The following PPFIA3 variants were observed in gnomAD, a reference collection of about 807,000 sequenced individuals.
PPFIA3 encodes liprin-alpha-3.
In PPFIA3, 26 loss-of-function variants were observed where a neutral mutation model predicts 145.8. The ratio of observed to expected loss-of-function variants is 0.18; its 90% CI spans 0.13 to 0.25. The LOEUF (loss-of-function observed/expected upper bound fraction) is 0.25, where lower values mean the gene tolerates loss of function less well. Ranked by LOEUF, PPFIA3 falls within the 10% of genes least tolerant of loss-of-function variation. The probability of loss-of-function intolerance (pLI) is 1.00; values close to 1 mark genes in which losing one functional copy is unlikely to be tolerated. For synonymous variants in PPFIA3, 645 were observed against 661.4 expected (o/e 0.98, Z 0.38); for missense variants, 1,008 against 1,587.8 (o/e 0.63, Z 6.21).
At position 49,150,345 on chromosome 19, in the gene PPFIA3, G is replaced by A. The variant is rs944259743; in HGVS notation, c.*123G>A. On this transcript the variant is annotated 3_prime_UTR_variant, in exon 30 of 30. Transcript: ENST00000334186. ...GCGGGGGAGCTCGCGCCGAGGACTG[G>A]ACCATCTGTACAGACCAGCGGGAGT... 1 of 608,994 alleles carries A rather than the reference G, an allele frequency of 1.6e-6. No individual in the cohort carries two copies. Among genetic ancestry groups the A allele is most frequent in the Non-Finnish European group, 2.9e-6 (1 of 350,018 alleles). 37.7% of individuals were successfully genotyped at this position (608,994 alleles called of 1,614,324 possible). A position where few individuals can be genotyped will look rare whatever the true frequency, so the allele number is the denominator to read the frequency against.
rs11391183 is a variant in PPFIA3 at position 49,145,584 on chromosome 19, AC to A, written c.2746-351del. ...GGGAGCAGAAGCTCAATAAATGTGA[AC>A]CCCCCCCGCCATACTCCCTAAACAT... On this transcript the variant is annotated intron_variant, in intron 21 of 29. Coordinates refer to ENST00000334186, the MANE Select transcript of PPFIA3 (RefSeq NM_003660.4). The A allele has an allele frequency of 8.8e-4, 242 of 273,766 alleles. 1 individual carries two copies. Among genetic ancestry groups the A allele is most frequent in the African/African-American group, 2.5e-3 (106 of 42,492 alleles). 17.0% of individuals were successfully genotyped at this position (273,766 alleles called of 1,614,324 possible).
At position 49,130,038 on chromosome 19, in the gene PPFIA3, G is replaced by A; in HGVS notation, c.628G>A (p.Glu210Lys). The change falls in exon 6 of 30, where the codon GAA (glutamate) becomes AAA (lysine). Residue 210 changes from glutamate to lysine, a missense_variant. Glu to Lys is a moderately conservative substitution (Grantham distance 56, BLOSUM62 1). Around this residue, in one of 11 missense-constraint regions of PPFIA3, gnomAD observed 136 missense variants for 160.7 expected, o/e 0.85. Coordinates refer to ENST00000334186, the MANE Select transcript of PPFIA3 (RefSeq NM_003660.4). This position sits in a 1 kb window ranked among gnomAD's most constrained non-coding sequence, Gnocchi z 4.5. ...EQLSRRRSGLEEPGKDGDGQT... is the reference protein window; with the variant it reads ...EQLSRRRSGLKEPGKDGDGQT... ...GCTGTCTAGGCGGCGGTCAGGGCTG[G>A]AAGAGCCGGGCAAGGATGGGGATGG... The A allele has an allele frequency of 6.2e-7, 1 of 1,613,248 alleles. No homozygotes were observed. Among genetic ancestry groups the A allele is most frequent in the Non-Finnish European group, 8.5e-7 (1 of 1,179,744 alleles).
rs1193455508 is a variant in PPFIA3, at chr19:49,149,087, C to T, written c.3204C>T (p.His1068=). The T allele has an allele frequency of 1.2e-5, 20 of 1,614,018 alleles. No individual in the cohort carries two copies. The highest frequency in any genetic ancestry group is 1.5e-5 in the Non-Finnish European group (18 of 1,180,036). ...CGAACCTCACGGAGAGCGGGGTACA[C>T]GGGGCACTGCTCGCCCTGGACGAGA... ...FATNLTESGV[H]GALLALDETF... The change falls in exon 26 of 30, where the codon CAC becomes CAT. Residue 1068 remains histidine (H), a synonymous_variant. Transcript: ENST00000334186. The surrounding 1 kb of genome is among the most constrained non-coding windows in gnomAD (Gnocchi z 5.7).
At chr19:49,134,414 T>G (rs1178856854) in intron 11 of PPFIA3, among the ~76,000 whole-genome samples, 1 of 152,144 alleles carries the variant, frequency 6.6e-6, no homozygotes, top group Non-Finnish European at 1.5e-5. Flanking sequence ...TCCAACCCCA[T>G]GGGTCTCCAA....
chr19:49,141,561 A>C (rs1414474677), intron 19 of PPFIA3, 48 bp downstream of exon 19: 2 of 1,491,636 alleles, frequency 1.3e-6, no homozygotes, highest in South Asian at 1.2e-5. Flanking sequence ...TGAATGTGAG[A>C]GTGTGTGAGG....
chr19:49,122,080 T>A (rs980667403), intron 1 of PPFIA3, among the ~76,000 whole-genome samples: 1 of 113,434 alleles, frequency 8.8e-6, no homozygotes, highest in African/African-American at 3.1e-5. Context: ...AGATGCCAAT[T>A]TTTTTTTTTT....
intron 16 of PPFIA3, 108 bp downstream of exon 16, chr19:49,138,535 A>G: frequency 1.3e-5 from 12 of 928,526 alleles, no homozygotes; most frequent in Non-Finnish European, 1.8e-5. Context: ...GGTTTTCCAA[A>G]GCAACCTCAG....
rs1301925441 is a variant in PPFIA3, at chr19:49,149,862, C to T, written c.3526+144C>T. 3 of 1,188,916 alleles carry T rather than the reference C, an allele frequency of 2.5e-6. No individual in the cohort carries two copies. The African/African-American group carries it at 4.6e-5, about 18-fold the overall frequency. 73.6% of individuals were successfully genotyped at this position (1,188,916 alleles called of 1,614,324 possible). A position where few individuals can be genotyped will look rare whatever the true frequency, so the allele number is the denominator to read the frequency against. On this transcript the variant is annotated intron_variant, in intron 28 of 29. Coordinates refer to ENST00000334186, the MANE Select transcript of PPFIA3 (RefSeq NM_003660.4). The surrounding 1 kb of genome is among the most constrained non-coding windows in gnomAD (Gnocchi z 5.7). Reference sequence around the variant, plus strand: ...ACTGCTCCAACGTTCCGGACTCCCCCGTCAGGATGAAATGGATAAATCCCA... The same window carrying T: ...ACTGCTCCAACGTTCCGGACTCCCCTGTCAGGATGAAATGGATAAATCCCA...
Position 49,150,332 on chromosome 19 carries a change from G to T in PPFIA3, c.*110G>T, listed in dbSNP as rs1051273073. 21 of 641,540 alleles carry T rather than the reference G, an allele frequency of 3.3e-5. No homozygotes were observed. Among genetic ancestry groups the T allele is most frequent in the Non-Finnish European group, 5.3e-5 (20 of 378,844 alleles). The allele number at this position is 641,540 out of a possible 1,614,324, so 39.7% of individuals were successfully genotyped here. On this transcript the variant is annotated 3_prime_UTR_variant, in exon 30 of 30. Coordinates refer to ENST00000334186, the MANE Select transcript of PPFIA3 (RefSeq NM_003660.4). ...CCGGGGAGAGCGGGCGGGGGAGCTCGCGCCGAGGACTGGACCATCTGTACA... is the reference window on the plus strand; with the variant it reads ...CCGGGGAGAGCGGGCGGGGGAGCTCTCGCCGAGGACTGGACCATCTGTACA...
intron 14 of PPFIA3, among the ~76,000 whole-genome samples, chr19:49,136,449 C>T (rs947472939): frequency 2.6e-5 from 4 of 152,086 alleles, no homozygotes; most frequent in Admixed American, 6.6e-5. Flanking sequence ...ATTAGCCGGG[C>T]GTGGTAGCGG....
chr19:49,150,099 C>A lies in PPFIA3; in HGVS notation c.3546C>A (p.Ser1182=). 6.2e-7 allele frequency: 1 copy of A among 1,610,628 alleles called. No homozygotes were observed. The highest frequency in any genetic ancestry group is 2.2e-5 in the East Asian group (1 of 44,790). ...CTCCAGGCCAGACTTCTGGGAGTTC[C>A]CGGGCAGACGGCGTTTCGGTCCGGA... is the stretch of plus-strand genomic sequence containing the variant. ...LQPEGQTSGS[S]RADGVSVRTY... is the part of the protein sequence containing the mutation. The change falls in exon 29 of 30, where the codon TCC becomes TCA. Residue 1182 remains serine (S), a synonymous_variant. Coordinates refer to ENST00000334186, the MANE Select transcript of PPFIA3 (RefSeq NM_003660.4).
In PPFIA3 at chr19:49,133,228, C is replaced by T. The variant is rs778504908; in HGVS notation, c.1027-9C>T. On this transcript the variant is annotated splice_polypyrimidine_tract_variant and intron_variant, in intron 8 of 29. Coordinates refer to ENST00000334186, the MANE Select transcript of PPFIA3 (RefSeq NM_003660.4). This position sits in a 1 kb window ranked among gnomAD's most constrained non-coding sequence, Gnocchi z 7.2. ...GCCCGTCCCCTCCCCCTGCCTCTCC[C>T]TCCCCCAGAGTGAAGAGAAGAGCCG... 1 of 1,598,108 alleles carries T rather than the reference C, an allele frequency of 6.3e-7. No homozygotes were observed. Among genetic ancestry groups the T allele is most frequent in the South Asian group, 1.1e-5 (1 of 90,316 alleles).
intron 1 of PPFIA3, among the ~76,000 whole-genome samples, chr19:49,124,926 G>T (rs897605083): frequency 2.6e-5 from 4 of 152,044 alleles, no homozygotes; most frequent in African/African-American, 9.7e-5. Flanking sequence ...AATTAGCCGG[G>T]CGTGGCGGCA....
At chr19:49,140,602 C>T (rs1017676696) in intron 18 of PPFIA3, among the ~76,000 whole-genome samples, 54 of 145,796 alleles carry the variant, frequency 3.7e-4, no homozygotes, top group African/African-American at 1.1e-3. Flanking sequence ...CCACCCACCT[C>T]GGCCTCCCAA....
chr19:49,138,594 T>C (rs765542300), intron 16 of PPFIA3, among the ~76,000 whole-genome samples, 167 bp downstream of exon 16: 1 of 152,244 alleles, frequency 6.6e-6, no homozygotes, highest in Non-Finnish European at 1.5e-5. Context: ...GCTGAGTCAC[T>C]GGGATCTTGA....
chr19:49,129,873 A>C lies in PPFIA3; in HGVS notation c.583-120A>C, dbSNP rs976882410. On this transcript the variant is annotated intron_variant, in intron 5 of 29. Transcript: ENST00000334186. ...TAAACCGTGGGGTAGGCATGGCCCCAGCACGACCGGAGGCATCTCATATGG... is the reference window on the plus strand; with the variant it reads ...TAAACCGTGGGGTAGGCATGGCCCCCGCACGACCGGAGGCATCTCATATGG... The C allele has an allele frequency of 5.8e-6, 6 of 1,040,006 alleles. No individual in the cohort carries two copies. The African/African-American group carries it at 9.7e-5, about 17-fold the overall frequency. 64.4% of individuals were successfully genotyped at this position (1,040,006 alleles called of 1,614,324 possible).
At position 49,138,286 on chromosome 19, in the gene PPFIA3, G is replaced by T; in HGVS notation, c.1935G>T (p.Ser645=). 1 of 1,613,488 alleles carries T rather than the reference G, an allele frequency of 6.2e-7. No homozygotes were observed. The part of the protein sequence containing the change: ...ESRVSSSGLD[S]LGRYRSSCSL... ...GGGTGTCCAGCTCTGGCTTGGACTC[G>T]TTGGGCCGCTACCGCAGCAGCTGCT... Residue 645 remains serine, a synonymous_variant, in exon 16 of 30, where the codon TCG becomes TCT. Coordinates refer to ENST00000334186, the MANE Select transcript of PPFIA3 (RefSeq NM_003660.4).
intron 7 of PPFIA3, among the ~76,000 whole-genome samples, chr19:49,131,765 C>G (rs1009185238): frequency 3.3e-5 from 5 of 151,576 alleles, no homozygotes; most frequent in Non-Finnish European, 5.9e-5. Context: ...AATCCCAGCA[C>G]TTTGGGAGGC....
intron 23 of PPFIA3, among the ~76,000 whole-genome samples, chr19:49,147,672 C>T (rs907985737): frequency 6.3e-5 from 9 of 142,058 alleles, no homozygotes; most frequent in Admixed American, 5.8e-4. Context: ...GGTGACATAG[C>T]AGACTCTTTC....
Sources: gnomAD v4.1 joint callset for allele counts (sites outside exome capture counted in the v4.1 genomes callset) on GRCh38, gnomAD v4.1.1 for gene constraint, gnomAD v4.1.1 regional missense constraint, Gnocchi (gnomAD v3.1) non-coding constraint, MANE v1.5 for transcripts, NCBI Gene and HGNC (gene_info 2026-07-23, HGNC 2026-07-21) for gene names.